The following NEK6 variants were observed in gnomAD, a reference collection of about 807,000 sequenced individuals.
The protein encoded by NEK6 is serine/threonine-protein kinase Nek6.
A neutral mutation model predicts 43.5 loss-of-function variants in NEK6; 27 were observed. The observed-to-expected ratio is 0.62, with a 90% CI of 0.46 to 0.86. The LOEUF (loss-of-function observed/expected upper bound fraction) is 0.86. NEK6 is among the 40% of genes least tolerant of loss of function. The probability of loss-of-function intolerance (pLI) is 0.00; values close to 1 mark genes in which losing one functional copy is unlikely to be tolerated. For synonymous variants in NEK6, 167 were observed against 164.1 expected (o/e 1.02, Z -0.14); for missense variants, 318 against 414.4 (o/e 0.77, Z 2.02).
At chr9:124,341,283 T>C (rs1422766127) in intron 8 of NEK6, among the ~76,000 whole-genome samples, 1 of 152,228 alleles carries the variant, frequency 6.6e-6, no homozygotes, top group Non-Finnish European at 1.5e-5. Flanking sequence ...TATAAGCCAG[T>C]GACCTGCTAT....
intron 1 of NEK6, among the ~76,000 whole-genome samples, chr9:124,272,446 C>T (rs1831481240): frequency 6.6e-6 from 1 of 152,344 alleles, no homozygotes; most frequent in East Asian, 1.9e-4. Context: ...GCTGGGACAG[C>T]GTGGTGGCCC....
At chr9:124,281,493 T>C (rs111339042) in intron 1 of NEK6, among the ~76,000 whole-genome samples, 1,389 of 90,880 alleles carry the variant, frequency 0.015, 20 homozygotes, top group Middle Eastern at 0.025. Context: ...TTTTCTTTTT[T>C]TTTTTTTTTT....
Position 124,351,082 on chromosome 9 carries a change from G to C in NEK6, c.*135G>C. 1.6e-6 allele frequency: 1 copy of C among 616,628 alleles called. No homozygotes were observed. The highest frequency in any genetic ancestry group is 1.8e-5 in the African/African-American group (1 of 54,372). The allele number at this position is 616,628 out of a possible 1,614,324, so 38.2% of individuals were successfully genotyped here. ...AGCAGGTTCCCCAAAAGGCTGCCCAGCCTTACAGCAGATGCTGAAGGCAGA... is the reference window on the plus strand; with the variant it reads ...AGCAGGTTCCCCAAAAGGCTGCCCACCCTTACAGCAGATGCTGAAGGCAGA... On this transcript the variant is annotated 3_prime_UTR_variant, in exon 10 of 10. Coordinates refer to ENST00000320246, the MANE Select transcript of NEK6 (RefSeq NM_014397.6).
At position 124,318,111 on chromosome 9, in the gene NEK6, C is replaced by T. The variant is rs185775922; in HGVS notation, c.295-3348C>T. Among the ~76,000 whole-genome samples the T allele has an allele frequency of 2.2e-3, 332 of 152,304 alleles. 2 individuals are homozygous for T. The highest frequency in any genetic ancestry group is 7.5e-3 in the African/African-American group (311 of 41,558). ...TGAGAAATTTCCAGACTTTGTTCCA[C>T]GGTGTCTGAACAAATTTACATTCCT... On this transcript the variant is annotated intron_variant, in intron 4 of 9. Transcript: ENST00000320246.
At chr9:124,331,279 C>G (rs866194946) in intron 7 of NEK6, among the ~76,000 whole-genome samples, 1 of 89,652 alleles carries the variant, frequency 1.1e-5, no homozygotes, top group Non-Finnish European at 2.5e-5. Flanking sequence ...AAAAACAAAA[C>G]ATTTTGCTCA....
At chr9:124,296,392 C>T (rs1001121258) in intron 1 of NEK6, among the ~76,000 whole-genome samples, 8 of 152,266 alleles carry the variant, frequency 5.3e-5, no homozygotes, top group African/African-American at 1.9e-4. Flanking sequence ...CTGGCCAAGG[C>T]TGACCTCCAA....
intron 1 of NEK6, among the ~76,000 whole-genome samples, chr9:124,269,541 T>A (rs911767102): frequency 6.6e-6 from 1 of 151,168 alleles, no homozygotes; most frequent in Non-Finnish European, 1.5e-5. Context: ...GCCCGGCTAA[T>A]TTTTTTTTGT....
At chr9:124,337,793 G>C (rs1185499571) in intron 7 of NEK6, among the ~76,000 whole-genome samples, 2 of 152,318 alleles carry the variant, frequency 1.3e-5, no homozygotes, top group African/African-American at 4.8e-5. Context: ...TGTTGGCAGT[G>C]TTTGGCCATG....
At chr9:124,261,241 C>T (rs2274778) in intron 1 of NEK6, 10,909 of 272,844 alleles carry the variant, frequency 0.04, 294 homozygotes, top group East Asian at 0.1. Flanking sequence ...GCCTTCCTCG[C>T]CCAGGGCCAG....
intron 8 of NEK6, 143 bp downstream of exon 8, chr9:124,339,808 G>T (rs144366425): frequency 2.5e-5 from 17 of 667,488 alleles, no homozygotes; most frequent in African/African-American, 2.5e-4. Context: ...CCAGGGCCCT[G>T]TCCTTCACCC....
At chr9:124,279,939 A>C (rs1024841464) in intron 1 of NEK6, among the ~76,000 whole-genome samples, 3 of 152,222 alleles carry the variant, frequency 2.0e-5, no homozygotes, top group African/African-American at 7.2e-5. Context: ...ACATGGCTTC[A>C]CAAGCTTCTC....
intron 8 of NEK6, among the ~76,000 whole-genome samples, chr9:124,340,010 TATGGGTCAGGCCCGGTG>T (rs1829511629): frequency 6.6e-6 from 1 of 152,152 alleles, no homozygotes; most frequent in South Asian, 2.1e-4. Flanking sequence ...CATCCTTTAT[TATGGGTCAGGCCCGGTG>T]CAGGGCACCT....
At chr9:124,270,888 C>T (rs556809252) in intron 1 of NEK6, among the ~76,000 whole-genome samples, 2 of 152,246 alleles carry the variant, frequency 1.3e-5, no homozygotes, top group Admixed American at 6.5e-5. Flanking sequence ...TGAAGCCCTA[C>T]GCTTGGGGCT....
chr9:124,314,676 T>G (rs1027251654), intron 4 of NEK6, among the ~76,000 whole-genome samples: 1 of 150,466 alleles, frequency 6.6e-6, no homozygotes, highest in African/African-American at 2.5e-5. Flanking sequence ...ATTTCTTTTG[T>G]TTTTTTTTGA....
At chr9:124,292,648 C>T in intron 1 of NEK6, 1 of 1,407,138 alleles carries the variant, frequency 7.1e-7, no homozygotes, top group Non-Finnish European at 9.6e-7. Flanking sequence ...CTCTGAAATC[C>T]ATCCCTTCCC....
At chr9:124,277,732 C>T (rs533887965) in intron 1 of NEK6, among the ~76,000 whole-genome samples, 1 of 152,344 alleles carries the variant, frequency 6.6e-6, no homozygotes, top group East Asian at 1.9e-4. Context: ...TGTTTTGCTT[C>T]CTGGGGACGA....
intron 2 of NEK6, among the ~76,000 whole-genome samples, chr9:124,304,335 T>G (rs1833148212): frequency 1.3e-5 from 2 of 152,224 alleles, no homozygotes; most frequent in Admixed American, 1.3e-4. Flanking sequence ...GCTGCTTCCC[T>G]GAAACCATCC....
rs749069904 is a variant in NEK6 at position 124,312,575 on chromosome 9, C to T, written c.157C>T (p.Arg53Ter). 1.7e-5 allele frequency: 27 copies of T among 1,614,030 alleles called. No individual in the cohort carries two copies. The highest frequency in any genetic ancestry group is 2.1e-5 in the Non-Finnish European group (25 of 1,180,022). Residue 53 changes from arginine to a stop codon, truncating the protein, a stop_gained, in exon 3 of 10, where the codon CGA (arginine) becomes TGA (stop). Transcript: ENST00000320246. LOFTEE classifies it high-confidence loss of function. ...CTTCCAGATCGAAAAGAAGATAGGCCGAGGACAGTTCAGCGAGGTGTACAA... is the reference window on the plus strand; with the variant it reads ...CTTCCAGATCGAAAAGAAGATAGGCTGAGGACAGTTCAGCGAGGTGTACAA... ...ADFQIEKKIGRGQFSEVYKAT... is the reference protein window; with the variant it reads ...ADFQIEKKIG
chr9:124,275,771 C>T lies in NEK6; in HGVS notation c.-30+17686C>T, dbSNP rs548707876. Reference sequence around the variant, plus strand: ...CCTGGCCTGGCAAAGGCCTCGGTGACGGTAATGAGGGGAGGGAGCAATGCA... The same window carrying T: ...CCTGGCCTGGCAAAGGCCTCGGTGATGGTAATGAGGGGAGGGAGCAATGCA... On this transcript the variant is annotated intron_variant, in intron 1 of 9. Transcript: ENST00000320246. The surrounding 1 kb of genome is among the most constrained non-coding windows in gnomAD (Gnocchi z 4.4). Among the ~76,000 whole-genome samples, 15 of 152,338 alleles carry T rather than the reference C, an allele frequency of 9.8e-5. No homozygotes were observed. The highest frequency in any genetic ancestry group is 2.1e-4 in the South Asian group (1 of 4,832).
Sources: allele counts gnomAD v4.1 joint callset (sites outside exome capture counted in the v4.1 genomes callset), GRCh38; gene constraint gnomAD v4.1.1; non-coding constraint Gnocchi (gnomAD v3.1); transcripts MANE v1.5; gene names NCBI Gene and HGNC (gene_info 2026-07-23, HGNC 2026-07-21).